LHX1: variants seen among roughly 807,000 people sequenced by gnomAD.
The protein encoded by LHX1 is LIM homeobox 1, also known as LIM/homeobox protein Lhx1.
In LHX1, 9 loss-of-function variants were observed where a neutral mutation model predicts 34.1. The ratio of observed to expected loss-of-function variants is 0.26; its 90% CI spans 0.16 to 0.46. The LOEUF (loss-of-function observed/expected upper bound fraction) is 0.46, where lower values mean the gene tolerates loss of function less well. Ranked by LOEUF, LHX1 falls within the 20% of genes least tolerant of loss-of-function variation. LHX1 has a pLI of 1.00. For missense variants in LHX1, 446 were observed against 559.1 expected (o/e 0.80, Z 2.04); for synonymous variants, 254 against 241.5 (o/e 1.05, Z -0.48).
At chr17:36,937,240 G>A (rs1197448685), upstream of LHX1, 6 of 452,392 alleles carry the variant, frequency 1.3e-5, no homozygotes, top group South Asian at 9.3e-5. Context: ...TGCACGGCCA[G>A]GCGCGGTGAG....
At chr17:36,939,954 T>G in intron 1 of LHX1, 1 of 480,186 alleles carries the variant, frequency 2.1e-6, no homozygotes, top group East Asian at 3.7e-5. Context: ...CCTTGCCACC[T>G]TCTTTAGACG....
At position 36,943,498 on chromosome 17, in the gene LHX1, T is replaced by G; in HGVS notation, c.*367T>G. 9.4e-6 allele frequency: 2 copies of G among 212,564 alleles called. No homozygotes were observed. The highest frequency in any genetic ancestry group is 9.3e-6 in the Non-Finnish European group (1 of 107,714). The allele number at this position is 212,564 out of a possible 1,614,324, so 13.2% of individuals were successfully genotyped here. A position where few individuals can be genotyped will look rare whatever the true frequency, so the allele number is the denominator to read the frequency against. ...GGCAGCCGCGGGTGCGCACAGCCGTTGGCGATGCCAGGAGCCGTGGGGAGG... is the reference window on the plus strand; with the variant it reads ...GGCAGCCGCGGGTGCGCACAGCCGTGGGCGATGCCAGGAGCCGTGGGGAGG... On this transcript the variant is annotated 3_prime_UTR_variant, in exon 5 of 5. Coordinates refer to ENST00000614239, the MANE Select transcript of LHX1 (RefSeq NM_005568.5).
At chr17:36,936,791 C>T (rs2070725636), upstream of LHX1, 1 of 174,680 alleles carries the variant, frequency 5.7e-6, no homozygotes, top group Admixed American at 6.5e-5. Flanking sequence ...AGCCAACAGC[C>T]AGGAGCAGTG....
At chr17:36,942,470 G>A (rs1323797905) in intron 4 of LHX1, 105 bp downstream of exon 4, 1 of 1,213,290 alleles carries the variant, frequency 8.2e-7, no homozygotes, top group Admixed American at 2.3e-5. Flanking sequence ...AGCCACTGGA[G>A]AGTTGGGGCG....
Position 36,938,148 on chromosome 17 carries a change from C to G in LHX1, c.-50C>G. ...GTCTTCAGGAGTCATCCCCTGGGCT[C>G]TACTTTGCCCCTCTCTCTCTCTGGG... On this transcript the variant is annotated 5_prime_UTR_variant, in exon 1 of 5. Coordinates refer to ENST00000614239, the MANE Select transcript of LHX1 (RefSeq NM_005568.5). 1 of 1,595,628 alleles carries G rather than the reference C, an allele frequency of 6.3e-7. No individual in the cohort carries two copies. The highest frequency in any genetic ancestry group is 8.6e-7 in the Non-Finnish European group (1 of 1,165,086).
In LHX1 at chr17:36,938,278, G is replaced by A. The variant is rs747258163; in HGVS notation, c.81G>A (p.Lys27=). ...TGCTGGACAGGGCCTGGCACGTCAAGTGCGTCCAGTGCTGTGAATGTAAAT... is the reference window on the plus strand; with the variant it reads ...TGCTGGACAGGGCCTGGCACGTCAAATGCGTCCAGTGCTGTGAATGTAAAT... ...LNVLDRAWHV[K]CVQCCECKCN... Residue 27 remains lysine, a synonymous_variant, in exon 1 of 5, where the codon AAG becomes AAA. Coordinates refer to ENST00000614239, the MANE Select transcript of LHX1 (RefSeq NM_005568.5). 4.3e-6 allele frequency: 7 copies of A among 1,614,226 alleles called. No homozygotes were observed. The highest frequency in any genetic ancestry group is 1.3e-5 in the African/African-American group (1 of 75,064).
In LHX1 at chr17:36,940,666, G is replaced by A. The variant is rs765443227; in HGVS notation, c.454G>A (p.Asp152Asn). 6.2e-7 allele frequency: 1 copy of A among 1,613,868 alleles called. No homozygotes were observed. Among genetic ancestry groups the A allele is most frequent in the Non-Finnish European group, 8.5e-7 (1 of 1,180,038 alleles). Residue 152 changes from aspartate to asparagine, a missense_variant, in exon 3 of 5, where the codon GAC becomes AAC. Asp to Asn is a conservative substitution (Grantham distance 23). Transcript: ENST00000614239. ...SPDSQDPSQDDAKDSESANVS... is the reference protein window; with the variant it reads ...SPDSQDPSQDNAKDSESANVS... ...GGATTCCCAAGACCCGTCGCAGGAC[G>A]ACGCCAAGGACTCGGAGAGCGCCAA...
At chr17:36,942,494 C>T (rs1351206134) in intron 4 of LHX1, 129 bp downstream of exon 4, 8 of 1,057,230 alleles carry the variant, frequency 7.6e-6, no homozygotes, top group African/African-American at 1.6e-5. Context: ...AGGGAGAAGG[C>T]TGGGAGTAAA....
intron 3 of LHX1, 150 bp downstream of exon 3, chr17:36,941,037 C>G: frequency 8.4e-7 from 1 of 1,186,664 alleles, no homozygotes; most frequent in Non-Finnish European, 1.2e-6. Flanking sequence ...CCTGCGGGAC[C>G]TATGAAATGC....
At chr17:36,939,138 G>C (rs1346361784) in intron 1 of LHX1, among the ~76,000 whole-genome samples, 1 of 152,210 alleles carries the variant, frequency 6.6e-6, no homozygotes, top group Non-Finnish European at 1.5e-5. Context: ...GGAAAGCCGA[G>C]ACCTCCAGCT....
upstream of LHX1, chr17:36,937,255 C>T: frequency 2.2e-6 from 1 of 450,758 alleles, no homozygotes; most frequent in South Asian, 1.6e-5. Flanking sequence ...GGTGAGAAGC[C>T]AGCCCGTAGT....
rs1255328752 is a variant in LHX1, at chr17:36,943,159, G to A, written c.*28G>A. On this transcript the variant is annotated 3_prime_UTR_variant, in exon 5 of 5. Coordinates refer to ENST00000614239, the MANE Select transcript of LHX1 (RefSeq NM_005568.5). Reference sequence around the variant, plus strand: ...GGGTCTCGCACGGTCTGCGGAGTTCGTGGTTGTACAGAAATGAACCTTTAT... The same window carrying A: ...GGGTCTCGCACGGTCTGCGGAGTTCATGGTTGTACAGAAATGAACCTTTAT... 6.2e-7 allele frequency: 1 copy of A among 1,609,318 alleles called. No homozygotes were observed. The highest frequency in any genetic ancestry group is 8.5e-7 in the Non-Finnish European group (1 of 1,178,098).
At position 36,942,307 on chromosome 17, in the gene LHX1, G is replaced by A. The variant is rs1345686571; in HGVS notation, c.783G>A (p.Leu261=). ...FFRSPRRMRP[L]VDRLEPGELI... ...GCAGTCCGCGCCGGATGCGGCCGCTGGTGGACCGCCTGGAGCCGGGCGAGC... is the reference window on the plus strand; with the variant it reads ...GCAGTCCGCGCCGGATGCGGCCGCTAGTGGACCGCCTGGAGCCGGGCGAGC... Residue 261 remains leucine (L), a synonymous_variant, in exon 4 of 5, where the codon CTG becomes CTA. Transcript: ENST00000614239. 1 of 1,593,706 alleles carries A rather than the reference G, an allele frequency of 6.3e-7. No homozygotes were observed. Among genetic ancestry groups the A allele is most frequent in the East Asian group, 2.3e-5 (1 of 44,046 alleles).
chr17:36,939,752 C>G (rs776106850), intron 1 of LHX1, among the ~76,000 whole-genome samples: 4 of 152,234 alleles, frequency 2.6e-5, no homozygotes, highest in Admixed American at 2.6e-4. Flanking sequence ...GGGGGCTCTC[C>G]GCGGCTATGT....
chr17:36,939,475 A>G (rs1447458754), intron 1 of LHX1, among the ~76,000 whole-genome samples: 1 of 152,222 alleles, frequency 6.6e-6, no homozygotes, highest in Non-Finnish European at 1.5e-5. Flanking sequence ...GCGTGGAACC[A>G]TGAAGCAAAG....
intron 4 of LHX1, 110 bp downstream of exon 4, chr17:36,942,475 G>C: frequency 8.5e-7 from 1 of 1,174,242 alleles, no homozygotes; most frequent in South Asian, 1.5e-5. Context: ...CTGGAGAGTT[G>C]GGGCGAGTAG....
chr17:36,937,605 G>A lies in LHX1; in HGVS notation c.-593G>A, dbSNP rs2070735332. The A allele has an allele frequency of 6.1e-6, 2 of 325,562 alleles. No homozygotes were observed. The highest frequency in any genetic ancestry group is 1.2e-5 in the Non-Finnish European group (2 of 166,156). The allele number at this position is 325,562 out of a possible 1,614,324, so 20.2% of individuals were successfully genotyped here. On this transcript the variant is annotated 5_prime_UTR_variant, in exon 1 of 5. Coordinates refer to ENST00000614239, the MANE Select transcript of LHX1 (RefSeq NM_005568.5). ...CGATGCCGGCAGTTTAGGATCCAAA[G>A]CTTCTCTGCTCCTTTTGTTCTTTCC...
rs2070780793 is a variant in LHX1, at chr17:36,943,296, T to C, written c.*165T>C. On this transcript the variant is annotated 3_prime_UTR_variant, in exon 5 of 5. Transcript: ENST00000614239. ...CCGGATGGAAAAGGGGGACACGAAA[T>C]AGGATCCAAATCGGCCTCGAGGTGG... is the stretch of plus-strand genomic sequence containing the variant. 1 of 840,462 alleles carries C rather than the reference T, an allele frequency of 1.2e-6. No individual in the cohort carries two copies. Among genetic ancestry groups the C allele is most frequent in the Non-Finnish European group, 1.8e-6 (1 of 568,290 alleles). 52.1% of individuals were successfully genotyped at this position (840,462 alleles called of 1,614,324 possible).
rs1002186940 is a variant in LHX1, at chr17:36,944,297, A to T, written c.*1166A>T. ...AAAAAAAAAAAGTGTTACAAGATTT[A>T]AAAAAAAACATCTTTGCTAATTTTT... is the stretch of plus-strand genomic sequence containing the variant. On this transcript the variant is annotated 3_prime_UTR_variant, in exon 5 of 5. Coordinates refer to ENST00000614239, the MANE Select transcript of LHX1 (RefSeq NM_005568.5). The T allele has an allele frequency of 2.1e-4, 31 of 151,054 alleles. No homozygotes were observed. Among genetic ancestry groups the T allele is most frequent in the Admixed American group, 3.3e-4 (5 of 15,154 alleles). The allele number at this position is 151,054 out of a possible 1,614,324, so 9.4% of individuals were successfully genotyped here.
Sources: gnomAD v4.1 joint callset for allele counts (sites outside exome capture counted in the v4.1 genomes callset) on GRCh38, gnomAD v4.1.1 for gene constraint, MANE v1.5 for transcripts, NCBI Gene and HGNC (gene_info 2026-07-23, HGNC 2026-07-21) for gene names.